The following CNTNAP2 variants were observed in gnomAD, a reference collection of about 807,000 sequenced individuals.
CNTNAP2 encodes contactin associated protein 2, also known as contactin-associated protein-like 2.
A neutral mutation model predicts 155.2 loss-of-function variants in CNTNAP2; 98 were observed. The observed-to-expected ratio is 0.63, with a 90% confidence interval of 0.54 to 0.75. CNTNAP2 has a LOEUF of 0.75. Among genes scored for constraint, CNTNAP2 ranks in the 30% least tolerant of loss-of-function variants. The probability of loss-of-function intolerance (pLI) is 0.00; values close to 1 mark genes in which losing one functional copy is unlikely to be tolerated. For missense variants in CNTNAP2, 1,727 were observed against 1,688.1 expected (o/e 1.02, Z -0.40); for synonymous variants, 651 against 631.2 (o/e 1.03, Z -0.47).
chr7:146,161,472 T>A (rs1305955417), intron 1 of CNTNAP2, among the ~76,000 whole-genome samples: 2 of 152,162 alleles, frequency 1.3e-5, no homozygotes, highest in African/African-American at 4.8e-5. Flanking sequence ...TAAGGACCTA[T>A]TCAAGGAGAA....
chr7:146,963,720 T>C (rs1797601526), intron 3 of CNTNAP2, among the ~76,000 whole-genome samples: 1 of 152,218 alleles, frequency 6.6e-6, no homozygotes, highest in African/African-American at 2.4e-5. Flanking sequence ...ATTTGGTGTT[T>C]AATATTTATT....
chr7:148,339,804 CA>C (rs1798196192), intron 21 of CNTNAP2, among the ~76,000 whole-genome samples: 1 of 152,090 alleles, frequency 6.6e-6, no homozygotes, highest in Non-Finnish European at 1.5e-5. Flanking sequence ...CGCTTTTGGT[CA>C]AAAAATTTCC....
chr7:146,171,220 C>G (rs1002039254), intron 1 of CNTNAP2, among the ~76,000 whole-genome samples: 1 of 151,958 alleles, frequency 6.6e-6, no homozygotes, highest in Non-Finnish European at 1.5e-5. Flanking sequence ...CTTTAAATAA[C>G]CTCTCTAGGC....
intron 13 of CNTNAP2, among the ~76,000 whole-genome samples, chr7:147,794,808 G>A (rs1217995391): frequency 6.6e-6 from 1 of 151,426 alleles, no homozygotes; most frequent in Non-Finnish European, 1.5e-5. Context: ...TTCTTTCTGG[G>A]TCAGTTTTGG....
intron 3 of CNTNAP2, among the ~76,000 whole-genome samples, chr7:146,893,156 ATTTTGCCCC>A (rs1433012446): frequency 6.6e-6 from 1 of 152,060 alleles, no homozygotes; most frequent in African/African-American, 2.4e-5. Flanking sequence ...GAAAGAAGGC[ATTTTGCCCC>A]TTTTGTTCTT....
rs147123045 is a variant in CNTNAP2 at position 146,856,313 on chromosome 7, C to G, written c.402+16409C>G. Among the ~76,000 whole-genome samples, 279 of 148,344 alleles carry G rather than the reference C, an allele frequency of 1.9e-3. 1 individual carries two copies. The highest frequency in any genetic ancestry group is 4.8e-3 in the African/African-American group (192 of 40,416). ...AGATAGATAGATACATACATACATA[C>G]ATACATACATACATACATACATACA... On this transcript the variant is annotated intron_variant, in intron 3 of 23. Transcript: ENST00000361727.
chr7:146,215,491 C>A (rs1319265608), intron 1 of CNTNAP2, among the ~76,000 whole-genome samples: 1 of 152,028 alleles, frequency 6.6e-6, no homozygotes, highest in Non-Finnish European at 1.5e-5. Context: ...TGAACCTCAT[C>A]ACTAGATAAG....
chr7:147,982,306 T>A (rs112015244), intron 15 of CNTNAP2, among the ~76,000 whole-genome samples: 4 of 151,534 alleles, frequency 2.6e-5, no homozygotes, highest in Middle Eastern at 6.8e-3. Context: ...AGGAAAGGTT[T>A]AAAAAAAAAT....
At chr7:147,516,309 A>T (rs991170883) in intron 11 of CNTNAP2, among the ~76,000 whole-genome samples, 1 of 152,216 alleles carries the variant, frequency 6.6e-6, no homozygotes, top group Non-Finnish European at 1.5e-5. Flanking sequence ...CACTATGTAC[A>T]GTTTACAAAT....
At chr7:147,105,916 A>C (rs1468235438) in intron 4 of CNTNAP2, among the ~76,000 whole-genome samples, 1 of 151,954 alleles carries the variant, frequency 6.6e-6, no homozygotes. Flanking sequence ...TGTTTTTATT[A>C]ATATCTTAGG....
intron 13 of CNTNAP2, among the ~76,000 whole-genome samples, chr7:147,728,003 A>C (rs757860595): frequency 6.6e-6 from 1 of 151,972 alleles, no homozygotes; most frequent in Non-Finnish European, 1.5e-5. Context: ...AGTGGTACAA[A>C]TGAGACCACA....
rs531089986 is a variant in CNTNAP2 at position 148,370,738 on chromosome 7, C to T, written c.3476-12911C>T. ...CCCTTGGCTTACAGGGCCACTTTCT[C>T]CACACCTACCCTGGCAGACTTGATC... On this transcript the variant is annotated intron_variant, in intron 21 of 23. Coordinates refer to ENST00000361727, the MANE Select transcript of CNTNAP2 (RefSeq NM_014141.6). Among the ~76,000 whole-genome samples, 4 of 152,258 alleles carry T rather than the reference C, an allele frequency of 2.6e-5. No homozygotes were observed. The South Asian group carries it at 8.3e-4, about 32-fold the overall frequency.
chr7:146,822,115 A>G (rs1377053555), intron 2 of CNTNAP2, among the ~76,000 whole-genome samples: 3 of 152,200 alleles, frequency 2.0e-5, no homozygotes. Flanking sequence ...AATGTGGCAC[A>G]TATACACTAT....
chr7:146,886,026 A>G (rs888569715), intron 3 of CNTNAP2, among the ~76,000 whole-genome samples: 1 of 151,618 alleles, frequency 6.6e-6, no homozygotes, highest in Non-Finnish European at 1.5e-5. Flanking sequence ...TAATTCTAGT[A>G]CAAATTACTC....
intron 3 of CNTNAP2, among the ~76,000 whole-genome samples, chr7:146,995,711 T>G (rs1337152161): frequency 6.6e-6 from 1 of 152,122 alleles, no homozygotes; most frequent in African/African-American, 2.4e-5. Flanking sequence ...CTTATACATT[T>G]TGAATATTGA....
chr7:147,198,993 G>A (rs1802866703), intron 8 of CNTNAP2, among the ~76,000 whole-genome samples: 1 of 123,276 alleles, frequency 8.1e-6, no homozygotes, highest in African/African-American at 3.1e-5. Context: ...ACAGAATGAT[G>A]CTCTGTCACC....
intron 13 of CNTNAP2, among the ~76,000 whole-genome samples, chr7:147,873,208 G>A (rs866492617): frequency 6.6e-6 from 1 of 152,136 alleles, no homozygotes; most frequent in African/African-American, 2.4e-5. Context: ...AACCAGAAAC[G>A]TTTGTTAAAA....
intron 4 of CNTNAP2, among the ~76,000 whole-genome samples, chr7:147,048,007 T>G (rs1414694306): frequency 1.3e-5 from 2 of 152,022 alleles, no homozygotes; most frequent in Non-Finnish European, 2.9e-5. Context: ...TTCTTGGAAG[T>G]TGTAAGCATA....
At chr7:147,327,495 A>C (rs1795481719) in intron 9 of CNTNAP2, among the ~76,000 whole-genome samples, 1 of 152,190 alleles carries the variant, frequency 6.6e-6, no homozygotes, top group Admixed American at 6.5e-5. Context: ...TTGATATTCC[A>C]CAAACATCTT....
Sources: allele counts gnomAD v4.1 joint callset (sites outside exome capture counted in the v4.1 genomes callset), GRCh38; gene constraint gnomAD v4.1.1; transcripts MANE v1.5; gene names NCBI Gene and HGNC (gene_info 2026-07-23, HGNC 2026-07-21).